The following LRMDA variants were observed in gnomAD, a reference collection of about 807,000 sequenced individuals.
LRMDA encodes the protein leucine-rich melanocyte differentiation-associated protein.
In LRMDA, 18 loss-of-function variants were observed where a neutral mutation model predicts 29.8. The observed-to-expected ratio is 0.60, with a 90% CI of 0.42 to 0.90. LRMDA has a LOEUF of 0.90. Ranked by LOEUF, LRMDA falls within the 40% of genes least tolerant of loss-of-function variation. The pLI is 0.00. For synonymous variants in LRMDA, 125 were observed against 109.4 expected, an observed-to-expected ratio of 1.14 and a Z score of -0.89; for missense variants, 273 against 273.9, an observed-to-expected ratio of 1.00 and a Z score of 0.02.
intron 2 of LRMDA, among the ~76,000 whole-genome samples, chr10:75,860,324 T>G (rs1008321841): frequency 1.4e-5 from 2 of 145,308 alleles, no homozygotes; most frequent in Admixed American, 6.9e-5. Context: ...TTTTTTTTTT[T>G]TTTTTTTTTT....
chr10:75,792,451 G>A (rs1428958546), intron 2 of LRMDA, among the ~76,000 whole-genome samples: 1 of 152,182 alleles, frequency 6.6e-6, no homozygotes, highest in Non-Finnish European at 1.5e-5. Flanking sequence ...TTTTAGTAGA[G>A]ATGGGGTTTC....
chr10:75,776,764 T>G (rs1843317516), intron 2 of LRMDA, among the ~76,000 whole-genome samples: 1 of 152,220 alleles, frequency 6.6e-6, no homozygotes, highest in African/African-American at 2.4e-5. Context: ...TCCACAGAAA[T>G]GTCTGAAAGG....
intron 6 of LRMDA, among the ~76,000 whole-genome samples, chr10:76,534,304 A>G (rs929017817): frequency 6.6e-6 from 1 of 152,222 alleles, no homozygotes; most frequent in Admixed American, 6.5e-5. Context: ...GAGAGGTCAC[A>G]TGAGTGTGTC....
At chr10:76,510,502 A>G (rs1026754581) in intron 6 of LRMDA, among the ~76,000 whole-genome samples, 2 of 152,178 alleles carry the variant, frequency 1.3e-5, no homozygotes, top group African/African-American at 4.8e-5. Context: ...TCCTGATCTT[A>G]TAGGTAGACT....
Position 75,469,082 on chromosome 10 carries a change from A to G in LRMDA, c.131+30588A>G, listed in dbSNP as rs368585528. The stretch of plus-strand genomic sequence containing the variant: ...CTCCTATGGGAGAGCATGGGGAAAA[A>G]GTGAAGACAGACGTCTTGGGAAAGA... On this transcript the variant is annotated intron_variant, in intron 2 of 6. Coordinates refer to ENST00000611255, the MANE Select transcript of LRMDA (RefSeq NM_001305581.2). Among the ~76,000 whole-genome samples the G allele has an allele frequency of 1.2e-4, 18 of 152,124 alleles. No individual in the cohort carries two copies. The East Asian group carries it at 1.4e-3, about 11-fold the overall frequency.
chr10:75,644,516 G>T (rs1290603217), intron 2 of LRMDA, among the ~76,000 whole-genome samples: 1 of 152,164 alleles, frequency 6.6e-6, no homozygotes, highest in Non-Finnish European at 1.5e-5. Context: ...TGGGGTCTTT[G>T]CCAGCATGGT....
intron 5 of LRMDA, among the ~76,000 whole-genome samples, chr10:76,113,422 C>T (rs1323389273): frequency 6.6e-6 from 1 of 151,376 alleles, no homozygotes; most frequent in Non-Finnish European, 1.5e-5. Context: ...AGAGTTGTCA[C>T]TACCCCATAT....
chr10:76,380,305 A>G (rs11001760), intron 6 of LRMDA, among the ~76,000 whole-genome samples: 2,467 of 152,164 alleles, frequency 0.016, 62 homozygotes, highest in African/African-American at 0.056. Flanking sequence ...CATTATTTAT[A>G]GGTAATATCT....
intron 5 of LRMDA, among the ~76,000 whole-genome samples, chr10:76,233,912 G>T (rs897602019): frequency 1.3e-5 from 2 of 152,086 alleles, no homozygotes; most frequent in Non-Finnish European, 2.9e-5. Flanking sequence ...ATCCGTGAGG[G>T]TTGGAATTCA....
At chr10:75,529,746 G>C (rs974123066) in intron 2 of LRMDA, among the ~76,000 whole-genome samples, 1 of 152,176 alleles carries the variant, frequency 6.6e-6, no homozygotes, top group Non-Finnish European at 1.5e-5. Context: ...AAACGTGTAG[G>C]AAAGAATTAG....
At chr10:75,633,748 G>A (rs1841356380) in intron 2 of LRMDA, among the ~76,000 whole-genome samples, 1 of 152,188 alleles carries the variant, frequency 6.6e-6, no homozygotes, top group Non-Finnish European at 1.5e-5. Flanking sequence ...AGCTGGTAGT[G>A]TAGACTGAGT....
In LRMDA at chr10:75,899,017, A is replaced by G. The variant is rs529745052; in HGVS notation, c.132-136991A>G. On this transcript the variant is annotated intron_variant, in intron 2 of 6. Transcript: ENST00000611255. ...AGGTACATGCTCTATACCTGGCCCTATGCTGTGCATTGGTTACCAAGAAGC... is the reference window on the plus strand; with the variant it reads ...AGGTACATGCTCTATACCTGGCCCTGTGCTGTGCATTGGTTACCAAGAAGC... Among the ~76,000 whole-genome samples the G allele has an allele frequency of 2.6e-5, 4 of 152,316 alleles. No homozygotes were observed. The South Asian group carries it at 8.3e-4, about 32-fold the overall frequency.
intron 6 of LRMDA, among the ~76,000 whole-genome samples, chr10:76,463,917 A>ATTTTTTTTTTTTTTTTTTT (rs763472626): frequency 2.7e-5 from 3 of 112,886 alleles, no homozygotes; most frequent in African/African-American, 3.2e-5. Context: ...TGCAAAATAA[A>ATTTTTTTTTTTTTTTTTTT]TTTTTTTTTT....
intron 5 of LRMDA, among the ~76,000 whole-genome samples, chr10:76,254,838 T>TA (rs1043954479): frequency 6.6e-6 from 1 of 152,172 alleles, no homozygotes; most frequent in Non-Finnish European, 1.5e-5. Context: ...TTTTAGAAGT[T>TA]ACGACCGGTT....
chr10:76,149,189 A>C (rs1418387407), intron 5 of LRMDA, among the ~76,000 whole-genome samples: 1 of 152,206 alleles, frequency 6.6e-6, no homozygotes, highest in African/African-American at 2.4e-5. Flanking sequence ...TCTCCTTTGC[A>C]CTAACAAAGC....
At chr10:75,606,204 C>T (rs1320306308) in intron 2 of LRMDA, among the ~76,000 whole-genome samples, 3 of 150,616 alleles carry the variant, frequency 2.0e-5, no homozygotes, top group Non-Finnish European at 4.4e-5. Flanking sequence ...CTGCTGGTAA[C>T]TCCTTCTCTT....
intron 2 of LRMDA, among the ~76,000 whole-genome samples, chr10:75,822,808 A>G (rs1313199449): frequency 6.6e-6 from 1 of 152,140 alleles, no homozygotes; most frequent in African/African-American, 2.4e-5. Flanking sequence ...TGTAGCCTCA[A>G]ATTCCTGGGC....
intron 6 of LRMDA, among the ~76,000 whole-genome samples, chr10:76,325,544 C>T (rs1840823564): frequency 1.3e-5 from 2 of 152,330 alleles, no homozygotes; most frequent in South Asian, 2.1e-4. Flanking sequence ...AGGTCTTAAG[C>T]ATACATCCCT....
At chr10:76,023,123 G>T (rs1056835562) in intron 2 of LRMDA, among the ~76,000 whole-genome samples, 3 of 150,202 alleles carry the variant, frequency 2.0e-5, no homozygotes, top group Admixed American at 2.0e-4. Flanking sequence ...AATTAAAGCT[G>T]CCTCTGTCCA....
Sources: gnomAD v4.1 joint callset for allele counts (sites outside exome capture counted in the v4.1 genomes callset) on GRCh38, gnomAD v4.1.1 for gene constraint, MANE v1.5 for transcripts, NCBI Gene and HGNC (gene_info 2026-07-23, HGNC 2026-07-21) for gene names.